Variants in GRM7 observed in about 807,000 individuals in gnomAD.
GRM7 encodes the protein metabotropic glutamate receptor 7.
A neutral mutation model predicts 84.5 loss-of-function variants in GRM7; 35 were observed. That is an observed-to-expected ratio of 0.41 (90% CI 0.32 to 0.55). The LOEUF is 0.55. Ranked by LOEUF, GRM7 falls within the 20% of genes least tolerant of loss-of-function variation. GRM7 has a pLI of 0.19. For synonymous variants in GRM7, 487 were observed against 455.1 expected (o/e 1.07, Z -0.89); for missense variants, 1,003 against 1,194.6 (o/e 0.84, Z 2.36).
At chr3:7,575,273 T>C (rs1418405686) in intron 7 of GRM7, among the ~76,000 whole-genome samples, 2 of 152,196 alleles carry the variant, frequency 1.3e-5, no homozygotes, top group Non-Finnish European at 1.5e-5. Flanking sequence ...TGCATCTTTA[T>C]GGAGAAATGT....
At chr3:7,164,331 C>G (rs1044858967) in intron 2 of GRM7, among the ~76,000 whole-genome samples, 3 of 152,188 alleles carry the variant, frequency 2.0e-5, no homozygotes, top group Non-Finnish European at 4.4e-5. Flanking sequence ...TGCACTCCAG[C>G]CTGGACGACA....
intron 9 of GRM7, among the ~76,000 whole-genome samples, chr3:7,703,861 A>G (rs2125160487): frequency 6.6e-6 from 1 of 152,318 alleles, no homozygotes; most frequent in South Asian, 2.1e-4. Context: ...GAGGCCACAT[A>G]CAAAATTCAT....
chr3:7,192,629 G>T (rs1012473849), intron 2 of GRM7, among the ~76,000 whole-genome samples: 4 of 152,150 alleles, frequency 2.6e-5, no homozygotes, highest in African/African-American at 7.2e-5. Flanking sequence ...CCTTCCTTCA[G>T]TTCCGATTTG....
chr3:7,451,664 A>G (rs712793), intron 5 of GRM7: 88,166 of 151,986 alleles, frequency 0.58, 25,811 homozygotes, highest in Non-Finnish European at 0.62. Context: ...TTTAACCTCT[A>G]TAAGGCTCAG....
In GRM7 at chr3:6,924,917, G is replaced by A. The variant is rs115814819; in HGVS notation, c.519+63010G>A. Reference sequence around the variant, plus strand: ...TCAGAAAAGCCTGTGATTCTTTTGGGAGTCATGATATTAGGGCTCATGACC... The same window carrying A: ...TCAGAAAAGCCTGTGATTCTTTTGGAAGTCATGATATTAGGGCTCATGACC... On this transcript the variant is annotated intron_variant, in intron 1 of 9. Coordinates refer to ENST00000357716, the MANE Select transcript of GRM7 (RefSeq NM_000844.4). 7.4e-3 allele frequency among the ~76,000 whole-genome samples: 1,125 copies of A among 152,184 alleles called. 14 individuals carry two copies. The highest frequency in any genetic ancestry group is 0.026 in the African/African-American group (1,061 of 41,536).
intron 1 of GRM7, among the ~76,000 whole-genome samples, chr3:6,983,027 G>T (rs998927802): frequency 1.3e-5 from 2 of 151,942 alleles, no homozygotes; most frequent in African/African-American, 4.8e-5. Flanking sequence ...GGCTTTTGAA[G>T]AAAAAAATAT....
chr3:7,480,102 G>A (rs1032933286), intron 7 of GRM7, among the ~76,000 whole-genome samples: 4 of 150,200 alleles, frequency 2.7e-5, no homozygotes, highest in African/African-American at 1.0e-4. Context: ...CAGAGCTGTT[G>A]AGAGACACAG....
Position 6,874,341 on chromosome 3 carries a change from G to A in GRM7, c.519+12434G>A, listed in dbSNP as rs146097361. 1.3e-3 allele frequency among the ~76,000 whole-genome samples: 193 copies of A among 152,172 alleles called. 1 individual carries two copies. Among genetic ancestry groups the A allele is most frequent in the African/African-American group, 3.9e-3 (163 of 41,526 alleles). ...AACCAGTTTACATTTATCAAGTGTC[G>A]TTTATATGAAAAGCCTCAGGAGCCC... On this transcript the variant is annotated intron_variant, in intron 1 of 9. Transcript: ENST00000357716.
chr3:7,045,545 T>C (rs1478327498), intron 1 of GRM7, among the ~76,000 whole-genome samples: 1 of 152,114 alleles, frequency 6.6e-6, no homozygotes, highest in Non-Finnish European at 1.5e-5. Flanking sequence ...CCAATTTCCT[T>C]CTCCAAACCT....
At chr3:6,867,957 A>T (rs1574945113) in intron 1 of GRM7, among the ~76,000 whole-genome samples, 1 of 152,246 alleles carries the variant, frequency 6.6e-6, no homozygotes. Context: ...TTACAAAATC[A>T]AAAATCAAAT....
At chr3:7,203,644 A>G (rs532520900) in intron 2 of GRM7, among the ~76,000 whole-genome samples, 1 of 152,158 alleles carries the variant, frequency 6.6e-6, no homozygotes, top group South Asian at 2.1e-4. Flanking sequence ...TGTTAGTTCT[A>G]TTTATAGTTT....
chr3:7,412,184 A>G (rs1426202418), intron 4 of GRM7, among the ~76,000 whole-genome samples: 2 of 152,200 alleles, frequency 1.3e-5, no homozygotes, highest in Admixed American at 6.5e-5. Context: ...CTAAGAAGGA[A>G]GCAGACCCTC....
chr3:6,970,797 G>T (rs1194776169), intron 1 of GRM7, among the ~76,000 whole-genome samples: 1 of 152,140 alleles, frequency 6.6e-6, no homozygotes, highest in African/African-American at 2.4e-5. Context: ...GGCTAACACG[G>T]TGAAACCCCG....
chr3:6,921,176 C>T (rs991181866), intron 1 of GRM7, among the ~76,000 whole-genome samples: 1 of 152,198 alleles, frequency 6.6e-6, no homozygotes, highest in Non-Finnish European at 1.5e-5. Context: ...CCAGCAGGAA[C>T]AAAAGCTGCC....
At chr3:7,646,067 C>G (rs1698622949) in intron 8 of GRM7, among the ~76,000 whole-genome samples, 1 of 152,226 alleles carries the variant, frequency 6.6e-6, no homozygotes, top group African/African-American at 2.4e-5. Context: ...ACGAGCAGCT[C>G]ACGATCTAAT....
chr3:7,578,942 G>T lies in GRM7; in HGVS notation c.2036G>T (p.Arg679Leu). ...GCAGCCCTCTTGACGAAAACAAATC[G>T]GATTTATCGCATATTTGAGCAGGGC... ...SYAALLTKTN[R>L]IYRIFEQGKK... The change falls in exon 8 of 10, where the codon CGG becomes CTG. Residue 679 changes from arginine (R) to leucine (L), a missense_variant. Physicochemically the swap from Arg to Leu is moderately radical, Grantham distance 102 (BLOSUM62 -2). Around this residue, in one of 2 missense-constraint regions of GRM7, gnomAD observed 910 missense variants for 1,126.0 expected, o/e 0.81. Coordinates refer to ENST00000357716, the MANE Select transcript of GRM7 (RefSeq NM_000844.4). 6.2e-7 allele frequency: 1 copy of T among 1,613,984 alleles called. No individual in the cohort carries two copies. The highest frequency in any genetic ancestry group is 8.5e-7 in the Non-Finnish European group (1 of 1,180,016).
chr3:7,362,976 C>T (rs776776747), intron 4 of GRM7, among the ~76,000 whole-genome samples: 7 of 151,782 alleles, frequency 4.6e-5, no homozygotes, highest in Non-Finnish European at 8.8e-5. Context: ...TAAAAAGTTA[C>T]CCAGGCATGG....
chr3:7,383,665 A>C (rs1461690845), intron 4 of GRM7, among the ~76,000 whole-genome samples: 2 of 152,176 alleles, frequency 1.3e-5, no homozygotes, highest in African/African-American at 2.4e-5. Flanking sequence ...CCCCCGCAAC[A>C]GTCCACTTAA....
chr3:7,666,711 G>C (rs780278838), intron 8 of GRM7, among the ~76,000 whole-genome samples: 2 of 151,996 alleles, frequency 1.3e-5, no homozygotes, highest in Non-Finnish European at 2.9e-5. Flanking sequence ...GATGAGAAGG[G>C]AACAAATTAC....
Sources: gnomAD v4.1 joint callset for allele counts (sites outside exome capture counted in the v4.1 genomes callset) on GRCh38, gnomAD v4.1.1 for gene constraint, gnomAD v4.1.1 regional missense constraint, MANE v1.5 for transcripts, NCBI Gene and HGNC (gene_info 2026-07-23, HGNC 2026-07-21) for gene names.